SWT1: variants seen among roughly 807,000 people sequenced by gnomAD.
SWT1 encodes SWT1 RNA endoribonuclease homolog, also known as transcriptional protein SWT1.
In SWT1, 33 loss-of-function variants were observed where a neutral mutation model predicts 107.3. The ratio of observed to expected loss-of-function variants is 0.31; its 90% CI spans 0.23 to 0.41. SWT1 has a LOEUF of 0.41. Ranked by LOEUF, SWT1 falls within the 10% of genes least tolerant of loss-of-function variation. The pLI is 1.00. For missense variants in SWT1, 898 were observed against 1,028.9 expected, an observed-to-expected ratio of 0.87 and a Z score of 1.74; for synonymous variants, 345 against 348.3, an observed-to-expected ratio of 0.99 and a Z score of 0.11.
chr1:185,211,993 G>A (rs1167823431), intron 13 of SWT1, among the ~76,000 whole-genome samples: 1 of 151,988 alleles, frequency 6.6e-6, no homozygotes, highest in Non-Finnish European at 1.5e-5. Context: ...ACTCATAGGT[G>A]GGAATTGAAC....
intron 14 of SWT1, among the ~76,000 whole-genome samples, chr1:185,218,173 G>T (rs951924951): frequency 5.9e-5 from 9 of 152,144 alleles, no homozygotes; most frequent in Non-Finnish European, 1.3e-4. Context: ...TACCTCCAAA[G>T]ATATGGTATC....
intron 16 of SWT1, among the ~76,000 whole-genome samples, chr1:185,233,835 C>T (rs545591151): frequency 1.3e-5 from 2 of 152,274 alleles, no homozygotes; most frequent in African/African-American, 4.8e-5. Context: ...GCTCCGCCTC[C>T]TGGGTTCATG....
intron 16 of SWT1, among the ~76,000 whole-genome samples, chr1:185,238,965 G>T (rs2102600429): frequency 6.6e-6 from 1 of 152,072 alleles, no homozygotes; most frequent in South Asian, 2.1e-4. Flanking sequence ...TAGCATTTTT[G>T]ATGCTTGCTA....
Position 185,234,082 on chromosome 1 carries a change from G to A in SWT1, c.2441+2374G>A, listed in dbSNP as rs148669312. 4.4e-3 allele frequency among the ~76,000 whole-genome samples: 676 copies of A among 152,274 alleles called. 6 individuals are homozygous for A. Among genetic ancestry groups the A allele is most frequent in the African/African-American group, 0.015 (635 of 41,560 alleles). On this transcript the variant is annotated intron_variant, in intron 16 of 18. Coordinates refer to ENST00000367500, the MANE Select transcript of SWT1 (RefSeq NM_017673.7). ...AGGGCAGTGTGGTGCTGAGAAGAAT[G>A]TATATTCTGTTGATTTGGGGCGGAG...
At chr1:185,194,941 G>T (rs1429777036) in intron 10 of SWT1, among the ~76,000 whole-genome samples, 1 of 152,122 alleles carries the variant, frequency 6.6e-6, no homozygotes, top group South Asian at 2.1e-4. Flanking sequence ...TTTATATGCA[G>T]ATTTTGGGGC....
chr1:185,228,940 G>A (rs1660296794), intron 15 of SWT1, among the ~76,000 whole-genome samples: 1 of 152,206 alleles, frequency 6.6e-6, no homozygotes, highest in Non-Finnish European at 1.5e-5. Flanking sequence ...CAGTGTGGCT[G>A]GAGCAAGGGG....
intron 13 of SWT1, among the ~76,000 whole-genome samples, chr1:185,210,958 C>T (rs1260819560): frequency 6.6e-6 from 1 of 152,012 alleles, no homozygotes; most frequent in Admixed American, 6.6e-5. Flanking sequence ...GCTACAAAGA[C>T]AATAAAATAC....
intron 16 of SWT1, among the ~76,000 whole-genome samples, chr1:185,232,317 G>C (rs1660561052): frequency 6.6e-6 from 1 of 152,088 alleles, no homozygotes; most frequent in South Asian, 2.1e-4. Context: ...GTGAACTATT[G>C]AGTTCTGATT....
At chr1:185,279,973 A>G (rs1228914667) in intron 18 of SWT1, among the ~76,000 whole-genome samples, 1 of 152,116 alleles carries the variant, frequency 6.6e-6, no homozygotes, top group Non-Finnish European at 1.5e-5. Context: ...ATTTATTGCA[A>G]TAAGGAGATG....
chr1:185,235,706 A>G lies in SWT1; in HGVS notation c.2441+3998A>G, dbSNP rs558264909. ...TAGTATTGGAAGTTCTGGCCAGGGC[A>G]ATCAGGCAAGAGAAAGAAATAAAGG... On this transcript the variant is annotated intron_variant, in intron 16 of 18. Coordinates refer to ENST00000367500, the MANE Select transcript of SWT1 (RefSeq NM_017673.7). Among the ~76,000 whole-genome samples the G allele has an allele frequency of 3.3e-5, 5 of 152,336 alleles. No homozygotes were observed. The East Asian group carries it at 9.6e-4, about 29-fold the overall frequency.
At chr1:185,256,841 G>A (rs1662575244) in intron 16 of SWT1, among the ~76,000 whole-genome samples, 1 of 152,204 alleles carries the variant, frequency 6.6e-6, no homozygotes, top group Non-Finnish European at 1.5e-5. Flanking sequence ...CGTTCCTTTG[G>A]AAGAGGAGAG....
intron 16 of SWT1, among the ~76,000 whole-genome samples, chr1:185,244,133 T>G (rs933829758): frequency 6.6e-6 from 1 of 152,114 alleles, no homozygotes; most frequent in South Asian, 2.1e-4. Context: ...GGATAGGGTC[T>G]CACTGTGTTG....
At position 185,178,946 on chromosome 1, in the gene SWT1, G is replaced by T. The variant is rs1412769489; in HGVS notation, c.967-1445G>T. ...AGTTCAGGCGGAAGCTGAATTCTCAGTAAAGCATTTCTACGTATGATGTAC... is the reference window on the plus strand; with the variant it reads ...AGTTCAGGCGGAAGCTGAATTCTCATTAAAGCATTTCTACGTATGATGTAC... On this transcript the variant is annotated intron_variant, in intron 5 of 18. Coordinates refer to ENST00000367500, the MANE Select transcript of SWT1 (RefSeq NM_017673.7). Among the ~76,000 whole-genome samples, 3 of 152,202 alleles carry T rather than the reference G, an allele frequency of 2.0e-5. No homozygotes were observed. In the East Asian group the frequency reaches 5.8e-4, roughly 29 times the overall value.
intron 1 of SWT1, among the ~76,000 whole-genome samples, chr1:185,160,054 C>A (rs1476579433): frequency 6.6e-6 from 1 of 152,098 alleles, no homozygotes; most frequent in Non-Finnish European, 1.5e-5. Context: ...GTTTCAGTAC[C>A]TCAAAAACCC....
chr1:185,214,475 C>T, intron 13 of SWT1, 32 bp from the exon 14 acceptor site: 2 of 1,546,976 alleles, frequency 1.3e-6, no homozygotes, highest in East Asian at 2.3e-5. Flanking sequence ...CTCATTCTTC[C>T]ATATTTTTCT....
At chr1:185,271,659 C>T (rs1275745983) in intron 17 of SWT1, among the ~76,000 whole-genome samples, 1 of 152,160 alleles carries the variant, frequency 6.6e-6, no homozygotes, top group Non-Finnish European at 1.5e-5. Context: ...TATCAGCTAT[C>T]TCACAGTTAA....
intron 16 of SWT1, among the ~76,000 whole-genome samples, chr1:185,268,922 G>A (rs759024407): frequency 2.1e-5 from 3 of 145,274 alleles, no homozygotes; most frequent in African/African-American, 7.7e-5. Context: ...GCGCGATCTC[G>A]CCTCACTGCA....
At chr1:185,196,176 G>C (rs991532489) in intron 10 of SWT1, among the ~76,000 whole-genome samples, 4 of 152,178 alleles carry the variant, frequency 2.6e-5, no homozygotes, top group Non-Finnish European at 4.4e-5. Context: ...TGTGTAAGGT[G>C]TAAGGAAGGG....
chr1:185,260,516 A>T (rs888106407), intron 16 of SWT1, among the ~76,000 whole-genome samples: 4 of 152,180 alleles, frequency 2.6e-5, no homozygotes, highest in African/African-American at 7.2e-5. Flanking sequence ...TGAGAGGCCA[A>T]ATAAGATATG....
Sources: allele counts gnomAD v4.1 joint callset (sites outside exome capture counted in the v4.1 genomes callset), GRCh38; gene constraint gnomAD v4.1.1; transcripts MANE v1.5; gene names NCBI Gene and HGNC (gene_info 2026-07-23, HGNC 2026-07-21).